The following GPC5 variants were observed in gnomAD, a reference collection of about 807,000 sequenced individuals.
GPC5 encodes glypican 5.
GPC5 carries 47 observed loss-of-function variants against 53.9 expected under a neutral mutation model. That is an observed-to-expected ratio of 0.87 (90% CI 0.69 to 1.11). The LOEUF is 1.11. GPC5 is among the 50% of genes most tolerant of loss of function. GPC5 has a pLI of 0.00. For synonymous variants in GPC5, 286 were observed against 263.3 expected (o/e 1.09, Z -0.84); for missense variants, 748 against 713.1 (o/e 1.05, Z -0.56).
intron 7 of GPC5, among the ~76,000 whole-genome samples, chr13:92,445,024 G>A (rs1024049731): frequency 6.6e-6 from 1 of 152,110 alleles, no homozygotes; most frequent in Non-Finnish European, 1.5e-5. Context: ...ATAAAATTAT[G>A]TATAATCAAT....
At chr13:91,585,428 G>T (rs1436204766) in intron 2 of GPC5, among the ~76,000 whole-genome samples, 7 of 152,104 alleles carry the variant, frequency 4.6e-5, no homozygotes, top group Non-Finnish European at 7.4e-5. Flanking sequence ...ATAGATTGTA[G>T]TCCACTTATG....
rs544702347 is a variant in GPC5 at position 92,575,420 on chromosome 13, G to A, written c.1562-290862G>A. Among the ~76,000 whole-genome samples the A allele has an allele frequency of 2.8e-4, 42 of 152,230 alleles. No homozygotes were observed. The South Asian group carries it at 7.7e-3, about 28-fold the overall frequency. ...AAATTGGAGTTATGCAGCCACAAGC[G>A]AGAGAACATTTTCAGACACTAGAAA... On this transcript the variant is annotated intron_variant, in intron 7 of 7. Transcript: ENST00000377067.
intron 6 of GPC5, among the ~76,000 whole-genome samples, chr13:92,024,778 T>A (rs2040787415): frequency 6.6e-6 from 1 of 152,200 alleles, no homozygotes; most frequent in African/African-American, 2.4e-5. Context: ...AGATTTAATC[T>A]GCTGTAATAC....
At chr13:92,770,805 T>A (rs1490889070) in intron 7 of GPC5, among the ~76,000 whole-genome samples, 1 of 152,194 alleles carries the variant, frequency 6.6e-6, no homozygotes. Context: ...ACCTTCCGTT[T>A]TAGCTGATTT....
Position 92,812,426 on chromosome 13 carries a change from C to CA in GPC5, c.1562-53853dup, listed in dbSNP as rs756086071. 7.9e-5 allele frequency among the ~76,000 whole-genome samples: 12 copies of CA among 151,460 alleles called. No individual in the cohort carries two copies. In the East Asian group the frequency reaches 2.1e-3, roughly 27 times the overall value. On this transcript the variant is annotated intron_variant, in intron 7 of 7. Coordinates refer to ENST00000377067, the MANE Select transcript of GPC5 (RefSeq NM_004466.6). ...AATGTAGTAAGGCATAAAAATAGAA[C>CA]AAAGAAAAAATTCACATGATCATCT...
intron 1 of GPC5, among the ~76,000 whole-genome samples, chr13:91,432,650 A>G (rs1229350638): frequency 3.3e-5 from 5 of 152,164 alleles, no homozygotes; most frequent in Non-Finnish European, 7.3e-5. Context: ...AGAGCTAAAT[A>G]CTTAATACTT....
At chr13:92,252,742 A>G (rs775249707) in intron 7 of GPC5, among the ~76,000 whole-genome samples, 6 of 152,140 alleles carry the variant, frequency 3.9e-5, no homozygotes, top group Non-Finnish European at 8.8e-5. Context: ...GGTAATGCAC[A>G]GTTAAAAACA....
intron 2 of GPC5, among the ~76,000 whole-genome samples, chr13:91,589,451 C>G (rs960881942): frequency 1.3e-5 from 2 of 152,048 alleles, no homozygotes; most frequent in Non-Finnish European, 2.9e-5. Context: ...TGAGCCTGTC[C>G]AAGACAGCTT....
At chr13:91,781,191 A>C (rs1215340329) in intron 5 of GPC5, among the ~76,000 whole-genome samples, 1 of 152,182 alleles carries the variant, frequency 6.6e-6, no homozygotes, top group Non-Finnish European at 1.5e-5. Context: ...TTTGTTGTTC[A>C]GCTTGATCTG....
chr13:91,455,157 A>C (rs1881452299), intron 2 of GPC5, among the ~76,000 whole-genome samples: 1 of 136,746 alleles, frequency 7.3e-6, no homozygotes, highest in African/African-American at 2.6e-5. Flanking sequence ...TTTTGCACTT[A>C]AAATGTTGCA....
chr13:92,852,644 C>T (rs555270112), intron 7 of GPC5, among the ~76,000 whole-genome samples: 1 of 152,066 alleles, frequency 6.6e-6, no homozygotes, highest in Non-Finnish European at 1.5e-5. Flanking sequence ...TATCATAGTT[C>T]ATTGCAGCCT....
At chr13:91,958,037 C>T (rs1227404747) in intron 6 of GPC5, among the ~76,000 whole-genome samples, 1 of 151,324 alleles carries the variant, frequency 6.6e-6, no homozygotes, top group Non-Finnish European at 1.5e-5. Flanking sequence ...TGATAATAAC[C>T]TTGAATATAA....
chr13:92,421,471 G>A (rs566523341), intron 7 of GPC5, among the ~76,000 whole-genome samples: 18 of 152,122 alleles, frequency 1.2e-4, no homozygotes, highest in African/African-American at 3.4e-4. Context: ...AGGCCGAGGC[G>A]GGTGGATCAC....
chr13:91,995,534 C>A (rs564692543), intron 6 of GPC5: 3 of 151,954 alleles, frequency 2.0e-5, no homozygotes, highest in African/African-American at 7.3e-5. Flanking sequence ...TGTTGTAAAA[C>A]GGGGAAAATA....
chr13:91,574,704 C>T (rs1594278197), intron 2 of GPC5, among the ~76,000 whole-genome samples: 1 of 152,016 alleles, frequency 6.6e-6, no homozygotes, highest in Non-Finnish European at 1.5e-5. Flanking sequence ...TTTTACCTCT[C>T]AATTGCCATG....
intron 2 of GPC5, among the ~76,000 whole-genome samples, chr13:91,581,439 C>T (rs989618111): frequency 1.3e-5 from 2 of 152,128 alleles, no homozygotes; most frequent in African/African-American, 2.4e-5. Flanking sequence ...CCCTTATACT[C>T]CTCCCTTCAT....
At chr13:92,557,885 C>T (rs574541894) in intron 7 of GPC5, among the ~76,000 whole-genome samples, 20 of 152,082 alleles carry the variant, frequency 1.3e-4, no homozygotes, top group African/African-American at 4.8e-4. Context: ...GACTCTGCAT[C>T]TCCAGAGTCT....
At chr13:91,705,998 A>G (rs892471029) in intron 3 of GPC5, among the ~76,000 whole-genome samples, 23 of 149,392 alleles carry the variant, frequency 1.5e-4, no homozygotes, top group Admixed American at 1.5e-3. Flanking sequence ...CTCCTGCCTC[A>G]ACTTCCCTGG....
intron 7 of GPC5, among the ~76,000 whole-genome samples, chr13:92,607,717 C>A (rs1352712295): frequency 6.6e-6 from 1 of 152,102 alleles, no homozygotes; most frequent in Non-Finnish European, 1.5e-5. Context: ...TGTGGAATGG[C>A]TAAATTGAGC....
Sources: allele counts gnomAD v4.1 joint callset (sites outside exome capture counted in the v4.1 genomes callset), GRCh38; gene constraint gnomAD v4.1.1; transcripts MANE v1.5; gene names NCBI Gene and HGNC (gene_info 2026-07-23, HGNC 2026-07-21).